The following MON2 variants were observed in gnomAD, a reference collection of about 807,000 sequenced individuals.
MON2 encodes MON2 regulator of endosome-to-Golgi trafficking.
A neutral mutation model predicts 208.6 loss-of-function variants in MON2; 84 were observed. The observed-to-expected ratio is 0.40, with a 90% CI of 0.34 to 0.48. MON2 has a LOEUF of 0.48. Among genes scored for constraint, MON2 ranks in the 20% least tolerant of loss-of-function variants. The pLI is 0.59. For missense variants in MON2, 1,611 were observed against 2,015.4 expected, an observed-to-expected ratio of 0.80 and a Z score of 3.84; for synonymous variants, 660 against 694.0, an observed-to-expected ratio of 0.95 and a Z score of 0.77.
intron 29 of MON2, among the ~76,000 whole-genome samples, chr12:62,571,152 A>T (rs945496260): frequency 5.3e-5 from 8 of 152,176 alleles, no homozygotes; most frequent in African/African-American, 1.9e-4. Context: ...AATGTTATTT[A>T]TGTAGGCTCA....
At position 62,537,152 on chromosome 12, in the gene MON2, A is replaced by C; in HGVS notation, c.1902A>C (p.Ser634=). Residue 634 remains serine, a splice_region_variant and synonymous_variant, in exon 15 of 35, where the codon TCA becomes TCC. Coordinates refer to ENST00000393630, the MANE Select transcript of MON2 (RefSeq NM_015026.3). ...TTTAGGCTTTCCTTTGTGTTCTAGC[A>C]TATTCCGTTCAGGGCCAAAGTGTTA... The part of the protein sequence containing the change: ...TTTAATLSNK[S]YSVQGQSVMM... The C allele has an allele frequency of 6.3e-7, 1 of 1,588,014 alleles. No homozygotes were observed. Among genetic ancestry groups the C allele is most frequent in the Non-Finnish European group, 8.6e-7 (1 of 1,160,452 alleles).
rs1175768597 is a variant in MON2, at chr12:62,593,483, G to A, written c.*734G>A. The A allele has an allele frequency of 6.6e-6, 1 of 152,474 alleles. No individual in the cohort carries two copies. The allele number at this position is 152,474 out of a possible 1,614,324, so 9.4% of individuals were successfully genotyped here. A position where few individuals can be genotyped will look rare whatever the true frequency, so the allele number is the denominator to read the frequency against. ...GACCATTAAACATCTGACCAGTAAG[G>A]TCATGTGAACACAGCAGCAAATAGT... is the stretch of plus-strand genomic sequence containing the variant. On this transcript the variant is annotated 3_prime_UTR_variant, in exon 35 of 35. Transcript: ENST00000393630.
Position 62,595,538 on chromosome 12 carries a change from T to C in MON2, c.*2789T>C, listed in dbSNP as rs2075510462. Reference sequence around the variant, plus strand: ...CTGGACAACAGACATATGCCACCAATTGTATGATTAATAAAGTCTTTTTCT... The same window carrying C: ...CTGGACAACAGACATATGCCACCAACTGTATGATTAATAAAGTCTTTTTCT... On this transcript the variant is annotated 3_prime_UTR_variant, in exon 35 of 35. Coordinates refer to ENST00000393630, the MANE Select transcript of MON2 (RefSeq NM_015026.3). 1 of 152,174 alleles carries C rather than the reference T, an allele frequency of 6.6e-6. No homozygotes were observed. The highest frequency in any genetic ancestry group is 6.5e-5 in the Admixed American group (1 of 15,284). The allele number at this position is 152,174 out of a possible 1,614,324, so 9.4% of individuals were successfully genotyped here. A position where few individuals can be genotyped will look rare whatever the true frequency, so the allele number is the denominator to read the frequency against.
intron 24 of MON2, among the ~76,000 whole-genome samples, chr12:62,555,359 T>C (rs561766102): frequency 4.3e-4 from 65 of 152,066 alleles, no homozygotes; most frequent in Non-Finnish European, 8.2e-4. Flanking sequence ...TTGGGTTTTT[T>C]TTTTGGTAGG....
At chr12:62,545,158 A>C in intron 21 of MON2, 150 bp downstream of exon 21, 2 of 500,716 alleles carry the variant, frequency 4.0e-6, no homozygotes, top group Non-Finnish European at 6.9e-6. Flanking sequence ...AATCTCTTAC[A>C]TAAGGTAAGA....
At chr12:62,547,109 G>A in intron 22 of MON2, 37 bp downstream of exon 22, 3 of 1,274,286 alleles carry the variant, frequency 2.4e-6, no homozygotes, top group East Asian at 2.9e-5. Flanking sequence ...AAATATGTAT[G>A]AAAAATAAAA....
At chr12:62,579,092 A>G (rs536486123) in intron 31 of MON2, among the ~76,000 whole-genome samples, 6 of 151,770 alleles carry the variant, frequency 4.0e-5, no homozygotes, top group African/African-American at 1.5e-4. Flanking sequence ...AAAGTTTTTT[A>G]AGTTAATTGG....
chr12:62,571,356 T>A (rs747094365), intron 29 of MON2, 36 bp from the exon 30 acceptor site: 1 of 1,401,434 alleles, frequency 7.1e-7, no homozygotes, highest in African/African-American at 1.5e-5. Context: ...GTGTATGTTT[T>A]AATTAATGCT....
Position 62,585,308 on chromosome 12 carries a change from A to G in MON2, c.4714A>G (p.Ile1572Val). ...SSSFTEAEID[I>V]RLREEFSKMC... is the part of the protein sequence containing the mutation. ...TAATTTTACAGAAGCAGAGATTGAT[A>G]TTCGTTTGAGAGAGGAATTTTCTAA... Residue 1572 changes from isoleucine to valine, a missense_variant, in exon 33 of 35, where the codon ATT becomes GTT. Ile to Val is a conservative substitution (Grantham distance 29, BLOSUM62 3). Coordinates refer to ENST00000393630, the MANE Select transcript of MON2 (RefSeq NM_015026.3). 6.2e-7 allele frequency: 1 copy of G among 1,612,810 alleles called. No individual in the cohort carries two copies. The highest frequency in any genetic ancestry group is 8.5e-7 in the Non-Finnish European group (1 of 1,179,132).
intron 19 of MON2, among the ~76,000 whole-genome samples, chr12:62,539,489 G>T (rs1370470615): frequency 1.3e-5 from 2 of 151,376 alleles, no homozygotes; most frequent in Non-Finnish European, 2.9e-5. Context: ...GGATGGTGTC[G>T]ATCTCCTGAC....
chr12:62,561,138 A>AATACTGG (rs767465518), intron 26 of MON2, 25 bp downstream of exon 26: 5 of 1,549,102 alleles, frequency 3.2e-6, no homozygotes, highest in Non-Finnish European at 4.4e-6. Flanking sequence ...GTGGCTAAGT[A>AATACTGG]ATACTGCATA....
intron 8 of MON2, among the ~76,000 whole-genome samples, chr12:62,513,773 C>T (rs2071542229): frequency 8.1e-6 from 1 of 124,090 alleles, no homozygotes; most frequent in African/African-American, 2.6e-5. Context: ...GGTGAAACCC[C>T]ATCTCTACTA....
chr12:62,471,448 T>A (rs2068785886), intron 1 of MON2, among the ~76,000 whole-genome samples: 1 of 152,124 alleles, frequency 6.6e-6, no homozygotes, highest in African/African-American at 2.4e-5. Context: ...CCTCCCAAAG[T>A]ACTGAGATAG....
intron 32 of MON2, among the ~76,000 whole-genome samples, chr12:62,584,166 G>A (rs1565712965): frequency 6.6e-6 from 1 of 152,056 alleles, no homozygotes; most frequent in Non-Finnish European, 1.5e-5. Context: ...TAATCAACCA[G>A]AGGACAAGCA....
In MON2 at chr12:62,593,740, C is replaced by T. The variant is rs2075463671; in HGVS notation, c.*991C>T. On this transcript the variant is annotated 3_prime_UTR_variant, in exon 35 of 35. Transcript: ENST00000393630. ...TTGTCACTGTCTTTGAATTATGACCCAGGCAAGATGATTTCAGATTTTCTA... is the reference window on the plus strand; with the variant it reads ...TTGTCACTGTCTTTGAATTATGACCTAGGCAAGATGATTTCAGATTTTCTA... The T allele has an allele frequency of 6.6e-6, 1 of 152,180 alleles. No homozygotes were observed. The highest frequency in any genetic ancestry group is 1.5e-5 in the Non-Finnish European group (1 of 67,988). The allele number at this position is 152,180 out of a possible 1,614,324, so 9.4% of individuals were successfully genotyped here.
chr12:62,526,892 C>T (rs1178548274), intron 11 of MON2, among the ~76,000 whole-genome samples: 1 of 152,042 alleles, frequency 6.6e-6, no homozygotes, highest in African/African-American at 2.4e-5. Flanking sequence ...TTTGGGAGGC[C>T]GATGTGGGCA....
Position 62,593,214 on chromosome 12 carries a change from G to A in MON2, c.*465G>A, listed in dbSNP as rs1189657416. 6.5e-6 allele frequency: 1 copy of A among 153,274 alleles called. No individual in the cohort carries two copies. The highest frequency in any genetic ancestry group is 1.9e-4 in the East Asian group (1 of 5,202). 9.5% of individuals were successfully genotyped at this position (153,274 alleles called of 1,614,324 possible). A position where few individuals can be genotyped will look rare whatever the true frequency, so the allele number is the denominator to read the frequency against. On this transcript the variant is annotated 3_prime_UTR_variant, in exon 35 of 35. Coordinates refer to ENST00000393630, the MANE Select transcript of MON2 (RefSeq NM_015026.3). ...TAACATTCCATATTATCTATAACCA[G>A]CCTTTGTTAACAAAGGGAACTGATA...
chr12:62,574,505 T>C (rs2074708509), intron 30 of MON2, among the ~76,000 whole-genome samples: 1 of 152,172 alleles, frequency 6.6e-6, no homozygotes. Context: ...GCCTCTCTTG[T>C]AGCTCGGACT....
intron 12 of MON2, among the ~76,000 whole-genome samples, chr12:62,533,520 G>C (rs1363613134): frequency 6.6e-6 from 1 of 152,094 alleles, no homozygotes; most frequent in Non-Finnish European, 1.5e-5. Context: ...TCCCAACATG[G>C]CCAATGGGAC....
Sources: gnomAD v4.1 joint callset for allele counts (sites outside exome capture counted in the v4.1 genomes callset) on GRCh38, gnomAD v4.1.1 for gene constraint, MANE v1.5 for transcripts, NCBI Gene and HGNC (gene_info 2026-07-23, HGNC 2026-07-21) for gene names.